The following FOSL2 variants were observed in gnomAD, a reference collection of about 807,000 sequenced individuals.
FOSL2 encodes fos-related antigen 2.
Under a neutral mutation model 27.7 loss-of-function variants are expected in FOSL2, and 3 were observed. The ratio of observed to expected loss-of-function variants is 0.11; its 90% CI spans 0.05 to 0.28. The LOEUF is 0.28. FOSL2 is among the 10% of genes least tolerant of loss of function. FOSL2 has a pLI of 1.00. For synonymous variants in FOSL2, 179 were observed against 190.1 expected, an observed-to-expected ratio of 0.94 and a Z score of 0.48; for missense variants, 333 against 445.1, an observed-to-expected ratio of 0.75 and a Z score of 2.27.
chr2:28,411,394 C>A (rs566288014), intron 3 of FOSL2, among the ~76,000 whole-genome samples: 1 of 152,048 alleles, frequency 6.6e-6, no homozygotes, highest in African/African-American at 2.4e-5. Flanking sequence ...AGCTGTGTTC[C>A]GTACCCCCTT....
rs1664138426 is a variant in FOSL2, at chr2:28,408,966, A to G, written c.462+100A>G. ...TCCCACAGCTGTCTCCTTACCCACA[A>G]ATGCCCTACAGATGAGTCAGTGGAG... On this transcript the variant is annotated intron_variant, in intron 3 of 3. Transcript: ENST00000264716. The surrounding 1 kb of genome is among the most constrained non-coding windows in gnomAD (Gnocchi z 4.1). The G allele has an allele frequency of 1.1e-5, 8 of 712,994 alleles. No homozygotes were observed. The highest frequency in any genetic ancestry group is 1.6e-5 in the Non-Finnish European group (7 of 434,810). The allele number at this position is 712,994 out of a possible 1,614,324, so 44.2% of individuals were successfully genotyped here. A position where few individuals can be genotyped will look rare whatever the true frequency, so the allele number is the denominator to read the frequency against.
chr2:28,415,073 C>T lies in FOSL2; in HGVS notation c.*2625C>T, dbSNP rs1317076287. 1 of 152,312 alleles carries T rather than the reference C, an allele frequency of 6.6e-6. No individual in the cohort carries two copies. The highest frequency in any genetic ancestry group is 1.9e-4 in the East Asian group (1 of 5,186). 9.4% of individuals were successfully genotyped at this position (152,312 alleles called of 1,614,324 possible). A position where few individuals can be genotyped will look rare whatever the true frequency, so the allele number is the denominator to read the frequency against. On this transcript the variant is annotated 3_prime_UTR_variant, in exon 4 of 4. Coordinates refer to ENST00000264716, the MANE Select transcript of FOSL2 (RefSeq NM_005253.4). ...AGAATCACCAGACACCTCCATGGCT[C>T]CAGCTATGGGAACAGCTGCATTGGG...
intron 1 of FOSL2, among the ~76,000 whole-genome samples, chr2:28,399,901 C>T (rs1360619779): frequency 1.3e-5 from 2 of 152,164 alleles, no homozygotes; most frequent in Non-Finnish European, 2.9e-5. Context: ...TGAGGTGCAG[C>T]CAAGACCGTA....
Position 28,415,254 on chromosome 2 carries a change from G to T in FOSL2, c.*2806G>T, listed in dbSNP as rs775432176. Reference sequence around the variant, plus strand: ...TCGTGTAAAACACACCGTCTTCTTGGCCTCCTGGCCAGTCTTTCTGCGAAT... The same window carrying T: ...TCGTGTAAAACACACCGTCTTCTTGTCCTCCTGGCCAGTCTTTCTGCGAAT... On this transcript the variant is annotated 3_prime_UTR_variant, in exon 4 of 4. Coordinates refer to ENST00000264716, the MANE Select transcript of FOSL2 (RefSeq NM_005253.4). The T allele has an allele frequency of 6.6e-6, 1 of 152,254 alleles. No homozygotes were observed. The highest frequency in any genetic ancestry group is 1.5e-5 in the Non-Finnish European group (1 of 68,076). 9.4% of individuals were successfully genotyped at this position (152,254 alleles called of 1,614,324 possible). A position where few individuals can be genotyped will look rare whatever the true frequency, so the allele number is the denominator to read the frequency against.
At chr2:28,411,314 C>T (rs1664193449) in intron 3 of FOSL2, among the ~76,000 whole-genome samples, 1 of 152,118 alleles carries the variant, frequency 6.6e-6, no homozygotes, top group Non-Finnish European at 1.5e-5. Flanking sequence ...CAGCCTAGGG[C>T]TTAGCGTTTA....
chr2:28,406,501 G>A (rs1343133841), intron 2 of FOSL2, among the ~76,000 whole-genome samples: 3 of 152,144 alleles, frequency 2.0e-5, no homozygotes, highest in East Asian at 1.9e-4. Flanking sequence ...AAAGGTGAAG[G>A]GCCCTGTTAG....
chr2:28,393,611 GC>G lies in FOSL2; in HGVS notation c.-107del. The G allele has an allele frequency of 1.3e-6, 1 of 764,626 alleles. No homozygotes were observed. Among genetic ancestry groups the G allele is most frequent in the Non-Finnish European group, 2.1e-6 (1 of 471,266 alleles). The allele number at this position is 764,626 out of a possible 1,614,324, so 47.4% of individuals were successfully genotyped here. A position where few individuals can be genotyped will look rare whatever the true frequency, so the allele number is the denominator to read the frequency against. On this transcript the variant is annotated 5_prime_UTR_variant, in exon 1 of 4. Coordinates refer to ENST00000264716, the MANE Select transcript of FOSL2 (RefSeq NM_005253.4). The surrounding 1 kb of genome is among the most constrained non-coding windows in gnomAD (Gnocchi z 4.6). The stretch of plus-strand genomic sequence containing the variant: ...GAGAAACCCAGGAGCGAAGCCCAGA[GC>G]CCGCGGCGCGGCCGGCGGACGAACG...
chr2:28,396,397 G>A (rs1331990060), intron 1 of FOSL2, among the ~76,000 whole-genome samples: 1 of 152,116 alleles, frequency 6.6e-6, no homozygotes, highest in African/African-American at 2.4e-5. Flanking sequence ...AATCTCAAAG[G>A]TTGGTCATTG....
At chr2:28,403,964 GC>G in intron 1 of FOSL2, 142 bp from the exon 2 acceptor site, 1 of 866,724 alleles carries the variant, frequency 1.2e-6, no homozygotes, top group South Asian at 1.6e-5. Context: ...ACTTGTCCAG[GC>G]CCACCTGGGG....
At chr2:28,396,809 C>CACACACACACAA (rs1553376546) in intron 1 of FOSL2, 57 of 150,520 alleles carry the variant, frequency 3.8e-4, no homozygotes, top group Middle Eastern at 3.4e-3. Context: ...CACACACACA[C>CACACACACACAA]ACACACACAC....
In FOSL2 at chr2:28,416,418, A is replaced by G. The variant is rs1664312897; in HGVS notation, c.*3970A>G. ...TTATGTTGTATCAAGCCTGAATAGA[A>G]ACTGATAGCATTAAAATACTCCGTT... On this transcript the variant is annotated 3_prime_UTR_variant, in exon 4 of 4. Coordinates refer to ENST00000264716, the MANE Select transcript of FOSL2 (RefSeq NM_005253.4). The G allele has an allele frequency of 6.6e-6, 1 of 150,602 alleles. No individual in the cohort carries two copies. Among genetic ancestry groups the G allele is most frequent in the Non-Finnish European group, 1.5e-5 (1 of 67,828 alleles). 9.3% of individuals were successfully genotyped at this position (150,602 alleles called of 1,614,324 possible).
chr2:28,412,681 A>G lies in FOSL2; in HGVS notation c.*233A>G. 1.5e-5 allele frequency: 8 copies of G among 535,722 alleles called. 1 individual carries two copies. Among genetic ancestry groups the G allele is most frequent in the Non-Finnish European group, 2.7e-5 (8 of 300,290 alleles). 33.2% of individuals were successfully genotyped at this position (535,722 alleles called of 1,614,324 possible). On this transcript the variant is annotated 3_prime_UTR_variant, in exon 4 of 4. Transcript: ENST00000264716. The surrounding 1 kb of genome is among the most constrained non-coding windows in gnomAD (Gnocchi z 7.1). ...CTCATTCATCTTGCAAGCAAATCCCATTTCTTGAAAAGCCTTGGAGAACTC... is the reference window on the plus strand; with the variant it reads ...CTCATTCATCTTGCAAGCAAATCCCGTTTCTTGAAAAGCCTTGGAGAACTC...
At chr2:28,398,131 C>T (rs1307307809) in intron 1 of FOSL2, among the ~76,000 whole-genome samples, 2 of 152,148 alleles carry the variant, frequency 1.3e-5, no homozygotes, top group African/African-American at 2.4e-5. Flanking sequence ...ACGAACGTTC[C>T]GGTCTATTTG....
intron 2 of FOSL2, among the ~76,000 whole-genome samples, chr2:28,407,915 GAAGCTAGATCCT>G (rs1664116712): frequency 6.6e-6 from 1 of 152,254 alleles, no homozygotes; most frequent in African/African-American, 2.4e-5. Context: ...CTCACTGGAA[GAAGCTAGATCCT>G]AAGCTCTTTG....
intron 1 of FOSL2, among the ~76,000 whole-genome samples, chr2:28,402,034 A>G (rs946093325): frequency 1.3e-5 from 2 of 152,088 alleles, no homozygotes; most frequent in East Asian, 1.9e-4. Flanking sequence ...AATGCATTGT[A>G]CTGGGTAACT....
chr2:28,400,431 C>T (rs892872110), intron 1 of FOSL2, among the ~76,000 whole-genome samples: 1 of 40,918 alleles, frequency 2.4e-5, no homozygotes, highest in Non-Finnish European at 6.0e-5. Context: ...CTGAATAACA[C>T]GTTTCTGAAT....
chr2:28,411,899 T>A, intron 3 of FOSL2, 31 bp from the exon 4 acceptor site: 1 of 1,613,928 alleles, frequency 6.2e-7, no homozygotes, highest in African/African-American at 1.3e-5. Flanking sequence ...GGCAGGTTGC[T>A]GTCCCTCACA....
At chr2:28,410,047 C>T (rs1664159966) in intron 3 of FOSL2, among the ~76,000 whole-genome samples, 2 of 152,172 alleles carry the variant, frequency 1.3e-5, no homozygotes, top group Non-Finnish European at 2.9e-5. Context: ...GGCCCATCCC[C>T]TCACTTGAGT....
At chr2:28,396,238 G>T (rs1287920873) in intron 1 of FOSL2, among the ~76,000 whole-genome samples, 1 of 151,110 alleles carries the variant, frequency 6.6e-6, no homozygotes, top group African/African-American at 2.4e-5. Context: ...GTCCTCTCTA[G>T]CTTCATGAAG....
Sources: allele counts gnomAD v4.1 joint callset (sites outside exome capture counted in the v4.1 genomes callset), GRCh38; gene constraint gnomAD v4.1.1; non-coding constraint Gnocchi (gnomAD v3.1); transcripts MANE v1.5; gene names NCBI Gene and HGNC (gene_info 2026-07-23, HGNC 2026-07-21).